Variants in FHIP2A observed in about 807,000 individuals in gnomAD.
FHIP2A encodes FHF complex subunit HOOK interacting protein 2A, also known as family with sequence similarity 160 member B1.
A neutral mutation model predicts 93.5 loss-of-function variants in FHIP2A; 46 were observed. The ratio of observed to expected loss-of-function variants is 0.49; its 90% CI spans 0.39 to 0.63. FHIP2A has a LOEUF of 0.63. Ranked by LOEUF, FHIP2A falls within the 20% of genes least tolerant of loss-of-function variation. The probability of loss-of-function intolerance (pLI) is 0.00; values close to 1 mark genes in which losing one functional copy is unlikely to be tolerated. For synonymous variants in FHIP2A, 332 were observed against 326.5 expected (o/e 1.02, Z -0.18); for missense variants, 769 against 909.7 (o/e 0.85, Z 1.99).
At chr10:114,845,668 G>C (rs962983828) in intron 8 of FHIP2A, among the ~76,000 whole-genome samples, 187 bp downstream of exon 8, 1 of 152,094 alleles carries the variant, frequency 6.6e-6, no homozygotes, top group Non-Finnish European at 1.5e-5. Flanking sequence ...ATAAATCAAA[G>C]TTCAAGTTCT....
chr10:114,862,789 T>C lies in FHIP2A; in HGVS notation c.*1249T>C. On this transcript the variant is annotated 3_prime_UTR_variant, in exon 17 of 17. Transcript: ENST00000369248. Reference sequence around the variant, plus strand: ...AGCTATTGTTTGTTTTTATTTGACATGTTAAGCCGCAGCACTTTCTTCTTC... The same window carrying C: ...AGCTATTGTTTGTTTTTATTTGACACGTTAAGCCGCAGCACTTTCTTCTTC... 1.0e-6 allele frequency: 1 copy of C among 985,464 alleles called. No homozygotes were observed. The highest frequency in any genetic ancestry group is 1.2e-6 in the Non-Finnish European group (1 of 829,928). The allele number at this position is 985,464 out of a possible 1,614,324, so 61.0% of individuals were successfully genotyped here.
At chr10:114,854,636 T>G (rs2083756475) in intron 13 of FHIP2A, among the ~76,000 whole-genome samples, 1 of 152,252 alleles carries the variant, frequency 6.6e-6, no homozygotes, top group African/African-American at 2.4e-5. Flanking sequence ...TGCTTGCTCT[T>G]GCTTTTTGTC....
Position 114,843,012 on chromosome 10 carries a change from C to G in FHIP2A, c.602C>G (p.Ser201Ter). The change falls in exon 6 of 17, where the codon TCA becomes TGA. Residue 201 changes from serine (S) to a stop codon, truncating the protein, a stop_gained. Coordinates refer to ENST00000369248, the MANE Select transcript of FHIP2A (RefSeq NM_020940.4). LOFTEE classifies it high-confidence loss of function. The part of the protein sequence containing the change: ...EDTLKGQDSL[S>*]TDTGQSRQPE... ...ACATTAAAAGGTCAGGATTCCTTGT[C>G]AACAGATACAGGACAGTCCCGTCAA... 1 of 1,613,576 alleles carries G rather than the reference C, an allele frequency of 6.2e-7. No individual in the cohort carries two copies.
downstream of FHIP2A, among the ~76,000 whole-genome samples, chr10:114,865,400 C>G (rs7923295): frequency 0.32 from 48,428 of 152,072 alleles, 8,295 homozygotes; most frequent in Non-Finnish European, 0.39. Flanking sequence ...ACCCTGTTCA[C>G]TTGAGTATTT....
In FHIP2A at chr10:114,847,253, T is replaced by A. The variant is rs2083707029; in HGVS notation, c.1712+20T>A. 1 of 1,589,028 alleles carries A rather than the reference T, an allele frequency of 6.3e-7. No individual in the cohort carries two copies. Among genetic ancestry groups the A allele is most frequent in the Non-Finnish European group, 8.5e-7 (1 of 1,170,000 alleles). ...AAATAGGTGAGTTGCTATATAAAAT[T>A]TGACTTCCATCTCTCTTGTTTTTTG... On this transcript the variant is annotated intron_variant, in intron 12 of 16. Coordinates refer to ENST00000369248, the MANE Select transcript of FHIP2A (RefSeq NM_020940.4).
intron 16 of FHIP2A, among the ~76,000 whole-genome samples, chr10:114,871,003 T>C (rs1388214298): frequency 6.7e-6 from 1 of 149,584 alleles, no homozygotes; most frequent in East Asian, 1.9e-4. Context: ...TCCATAGCAA[T>C]TGATTTTAGC....
intron 15 of FHIP2A, 63 bp from the exon 16 acceptor site, chr10:114,861,168 A>G (rs2083796238): frequency 1.3e-6 from 2 of 1,575,666 alleles, no homozygotes; most frequent in Non-Finnish European, 8.6e-7. Context: ...TTTTCTTTTT[A>G]GATCCTGAGG....
At chr10:114,834,913 C>T (rs931565895) in intron 3 of FHIP2A, among the ~76,000 whole-genome samples, 7 of 152,138 alleles carry the variant, frequency 4.6e-5, no homozygotes, top group African/African-American at 1.7e-4. Flanking sequence ...CCTGTCTATG[C>T]AAAGGGCTGA....
In FHIP2A at chr10:114,844,239, G is replaced by A. The variant is rs11196949; in HGVS notation, c.1013+302G>A. Among the ~76,000 whole-genome samples, 125 of 152,156 alleles carry A rather than the reference G, an allele frequency of 8.2e-4. 1 individual carries two copies. In the East Asian group the frequency reaches 0.02, roughly 25 times the overall value. On this transcript the variant is annotated intron_variant, in intron 7 of 16. Transcript: ENST00000369248. ...TAAAAACAAAAAACCCTCAAAGAAG[G>A]AATCTCCTTTTAAAATAATTTCCAC...
chr10:114,868,137 T>C (rs577459574), downstream of FHIP2A, among the ~76,000 whole-genome samples: 2 of 152,134 alleles, frequency 1.3e-5, no homozygotes, highest in South Asian at 4.2e-4. Context: ...TTGCCCAGGC[T>C]TATGATTTTA....
chr10:114,854,664 G>A (rs147793886), intron 13 of FHIP2A, among the ~76,000 whole-genome samples: 3 of 152,268 alleles, frequency 2.0e-5, no homozygotes, highest in Non-Finnish European at 4.4e-5. Context: ...CATTGTGGAC[G>A]GTAGTGAACA....
Position 114,843,126 on chromosome 10 carries a change from T to G in FHIP2A, c.716T>G (p.Leu239Trp). The G allele has an allele frequency of 6.2e-7, 1 of 1,614,082 alleles. No individual in the cohort carries two copies. Among genetic ancestry groups the G allele is most frequent in the Non-Finnish European group, 8.5e-7 (1 of 1,179,984 alleles). ...CAGATGGATCACCTGTCCACAAGCT[T>G]GGATAACCTCAGTGTCACCTCACTG... ...PHQMDHLSTSLDNLSVTSLPE... is the reference protein window; with the variant it reads ...PHQMDHLSTSWDNLSVTSLPE... Residue 239 changes from leucine to tryptophan, a missense_variant, in exon 6 of 17, where the codon TTG (leucine) becomes TGG (tryptophan). Physicochemically the swap from Leu to Trp is moderately conservative, Grantham distance 61. Coordinates refer to ENST00000369248, the MANE Select transcript of FHIP2A (RefSeq NM_020940.4).
intron 2 of FHIP2A, 143 bp from the exon 3 acceptor site, chr10:114,833,090 A>G (rs1295847705): frequency 4.9e-6 from 3 of 617,486 alleles, no homozygotes; most frequent in Admixed American, 3.2e-5. Flanking sequence ...AGAGATAATC[A>G]TACTGTGTTT....
At chr10:114,873,961 AAC>A (rs904193451) in intron 16 of FHIP2A, among the ~76,000 whole-genome samples, 1 of 152,108 alleles carries the variant, frequency 6.6e-6, no homozygotes, top group Non-Finnish European at 1.5e-5. Flanking sequence ...GAAAAAAAAA[AAC>A]AACCCTAAGT....
At chr10:114,828,432 A>G (rs73367357) in intron 1 of FHIP2A, among the ~76,000 whole-genome samples, 12,245 of 152,266 alleles carry the variant, frequency 0.08, 1,008 homozygotes, top group African/African-American at 0.2. Flanking sequence ...TGCCTTGGAA[A>G]AATTTAACAA....
intron 16 of FHIP2A, among the ~76,000 whole-genome samples, chr10:114,875,102 A>T (rs979091589): frequency 5.3e-5 from 8 of 152,190 alleles, no homozygotes; most frequent in East Asian, 3.9e-4. Context: ...TGCTGTTGCC[A>T]CCAGGGACTG....
At chr10:114,890,766 AAT>A (rs1236178708) in intron 16 of FHIP2A, among the ~76,000 whole-genome samples, 1 of 148,760 alleles carries the variant, frequency 6.7e-6, no homozygotes, top group Non-Finnish European at 1.5e-5. Context: ...TAGTATATAA[AAT>A]ATATACTGTA....
chr10:114,862,338 T>C lies in FHIP2A; in HGVS notation c.*798T>C, dbSNP rs2083805482. On this transcript the variant is annotated 3_prime_UTR_variant, in exon 17 of 17. Transcript: ENST00000369248. ...GTATTTTTTTAAGCTAAGTAACATG[T>C]ACTGGGTTGAGAACCTTTTTCCCCC... is the stretch of plus-strand genomic sequence containing the variant. 2.0e-6 allele frequency: 2 copies of C among 987,482 alleles called. No homozygotes were observed. The highest frequency in any genetic ancestry group is 2.4e-6 in the Non-Finnish European group (2 of 830,012). 61.2% of individuals were successfully genotyped at this position (987,482 alleles called of 1,614,324 possible). A position where few individuals can be genotyped will look rare whatever the true frequency, so the allele number is the denominator to read the frequency against.
Position 114,847,186 on chromosome 10 carries a change from C to T in FHIP2A, c.1665C>T (p.Asp555=). The part of the protein sequence containing the change: ...WLSSSPPATP[D]HPKNDGKTEV... ...GTTCTTCACCTCCTGCTACTCCAGA[C>T]CACCCCAAAAATGATGGAAAAACTG... is the stretch of plus-strand genomic sequence containing the variant. Residue 555 remains aspartate (D), a synonymous_variant, in exon 12 of 17, where the codon GAC becomes GAT. Transcript: ENST00000369248. The T allele has an allele frequency of 1.2e-6, 2 of 1,613,504 alleles. No individual in the cohort carries two copies. Among genetic ancestry groups the T allele is most frequent in the Non-Finnish European group, 1.7e-6 (2 of 1,179,710 alleles).
Sources: allele counts gnomAD v4.1 joint callset (sites outside exome capture counted in the v4.1 genomes callset), GRCh38; gene constraint gnomAD v4.1.1; transcripts MANE v1.5; gene names NCBI Gene and HGNC (gene_info 2026-07-23, HGNC 2026-07-21).